MSH5: variants seen among roughly 807,000 people sequenced by gnomAD.
MSH5 encodes the protein mutS homolog 5.
A neutral mutation model predicts 107.7 loss-of-function variants in MSH5; 78 were observed. The observed-to-expected ratio is 0.72, with a 90% CI of 0.60 to 0.87. MSH5 has a LOEUF of 0.87. Among genes scored for constraint, MSH5 ranks in the 40% least tolerant of loss-of-function variants. The probability of loss-of-function intolerance (pLI) is 0.00; values close to 1 mark genes in which losing one functional copy is unlikely to be tolerated. For synonymous variants in MSH5, 326 were observed against 399.5 expected (o/e 0.82, Z 2.19); for missense variants, 889 against 1,046.6 (o/e 0.85, Z 2.08).
intron 10 of MSH5, among the ~76,000 whole-genome samples, chr6:31,748,523 A>G (rs1467442709): frequency 6.6e-6 from 1 of 150,996 alleles, no homozygotes; most frequent in Non-Finnish European, 1.5e-5. Context: ...TAATTTTTGT[A>G]TTTTCAGTAG....
At position 31,758,021 on chromosome 6, in the gene MSH5, T is replaced by C. The variant is rs1352748293; in HGVS notation, c.1015-144T>C. On this transcript the variant is annotated intron_variant, in intron 12 of 24. Coordinates refer to ENST00000375750, the MANE Select transcript of MSH5 (RefSeq NM_172166.4). This position sits in a 1 kb window ranked among gnomAD's most constrained non-coding sequence, Gnocchi z 5.1. ...GTTTCAGTGTTTGGTACAGTGCCTC[T>C]CACTGTTTCTTTTTGCCTTTGAGAT... 4.2e-6 allele frequency: 4 copies of C among 958,112 alleles called. No homozygotes were observed. The African/African-American group carries it at 6.5e-5, about 16-fold the overall frequency. The allele number at this position is 958,112 out of a possible 1,614,324, so 59.4% of individuals were successfully genotyped here. A position where few individuals can be genotyped will look rare whatever the true frequency, so the allele number is the denominator to read the frequency against.
chr6:31,744,357 TA>T (rs2151338056), intron 7 of MSH5, 58 bp downstream of exon 7: 1 of 1,608,368 alleles, frequency 6.2e-7, no homozygotes, highest in South Asian at 1.1e-5. Context: ...GCCTGAAAAG[TA>T]AAGTGGGGGT....
chr6:31,741,045 TG>T, intron 2 of MSH5, 117 bp from the exon 3 acceptor site: 1 of 1,294,040 alleles, frequency 7.7e-7, no homozygotes. Flanking sequence ...ATTCACTAAA[TG>T]GGGGTGATGA....
intron 8 of MSH5, among the ~76,000 whole-genome samples, chr6:31,744,795 AAAGT>A (rs1468708470): frequency 1.3e-5 from 2 of 152,148 alleles, no homozygotes; most frequent in Non-Finnish European, 2.9e-5. Flanking sequence ...GAGGCAAAGA[AAAGT>A]AAGGGACAAA....
At position 31,762,560 on chromosome 6, in the gene MSH5, C is replaced by T. The variant is rs767877161; in HGVS notation, c.*29C>T. ...TCCTTCCAGTGTCCTCCCCAGCCTC[C>T]TGAGACTCCGGTGGGCTGCCATGCC... On this transcript the variant is annotated 3_prime_UTR_variant, in exon 25 of 25. Coordinates refer to ENST00000375750, the MANE Select transcript of MSH5 (RefSeq NM_172166.4). 4 of 1,457,974 alleles carry T rather than the reference C, an allele frequency of 2.7e-6. No homozygotes were observed. The African/African-American group carries it at 4.2e-5, about 15-fold the overall frequency. The allele number at this position is 1,457,974 out of a possible 1,614,324, so 90.3% of individuals were successfully genotyped here.
In MSH5 at chr6:31,762,516, C is replaced by A; in HGVS notation, c.2490C>A (p.Ala830=). The A allele has an allele frequency of 6.2e-7, 1 of 1,613,066 alleles. No individual in the cohort carries two copies. The highest frequency in any genetic ancestry group is 8.5e-7 in the Non-Finnish European group (1 of 1,179,056). The change falls in exon 25 of 25, where the codon GCC becomes GCA. Residue 830 remains alanine (A), a synonymous_variant. Coordinates refer to ENST00000375750, the MANE Select transcript of MSH5 (RefSeq NM_172166.4). ...TGAGCCAGGAAGTGCTGCCTGCTGC[C>A]ACCAGCATCCTCTGAGAGTCCTTCC... is the stretch of plus-strand genomic sequence containing the variant. ...VFMSQEVLPA[A]TSIL
At chr6:31,748,916 CTTTT>C (rs9279407) in intron 10 of MSH5, among the ~76,000 whole-genome samples, 10 of 109,476 alleles carry the variant, frequency 9.1e-5, no homozygotes, top group Admixed American at 9.5e-5. Context: ...TCTGGAAAGT[CTTTT>C]TTTTTTTTTT....
chr6:31,754,637 G>A (rs1234323468), intron 12 of MSH5, among the ~76,000 whole-genome samples: 1 of 152,084 alleles, frequency 6.6e-6, no homozygotes, highest in Non-Finnish European at 1.5e-5. Context: ...TTAGCCTCCA[G>A]AGTAACTGGG....
At position 31,740,691 on chromosome 6, in the gene MSH5, T is replaced by G; in HGVS notation, c.147+78T>G. 7.1e-7 allele frequency: 1 copy of G among 1,401,326 alleles called. No homozygotes were observed. The highest frequency in any genetic ancestry group is 9.4e-7 in the Non-Finnish European group (1 of 1,069,358). 86.8% of individuals were successfully genotyped at this position (1,401,326 alleles called of 1,614,324 possible). On this transcript the variant is annotated intron_variant, in intron 2 of 24. Transcript: ENST00000375750. This position sits in a 1 kb window ranked among gnomAD's most constrained non-coding sequence, Gnocchi z 4.4. ...AAAGAGGGTTGGGAGCCGGGCGCGG[T>G]GGCTCACACCTGTAATCTTAGCACT...
intron 9 of MSH5, 53 bp downstream of exon 9, chr6:31,745,372 A>T (rs375092546): frequency 1.6e-6 from 2 of 1,281,940 alleles, no homozygotes; most frequent in African/African-American, 2.9e-5. Context: ...CAGAAAAGCA[A>T]TTGGCTCCAA....
chr6:31,749,095 T>C (rs188236859), intron 10 of MSH5, among the ~76,000 whole-genome samples: 43 of 151,994 alleles, frequency 2.8e-4, no homozygotes, highest in African/African-American at 9.9e-4. Flanking sequence ...TTTGTATTTT[T>C]AGTAGAGATG....
At chr6:31,749,513 G>T (rs1021675287) in intron 10 of MSH5, among the ~76,000 whole-genome samples, 1 of 151,690 alleles carries the variant, frequency 6.6e-6, no homozygotes, top group African/African-American at 2.4e-5. Context: ...CTGCACTCCA[G>T]CCTGGGCAAC....
chr6:31,740,540 C>G lies in MSH5; in HGVS notation c.74C>G (p.Pro25Arg). 2.0e-6 allele frequency: 3 copies of G among 1,532,688 alleles called. No individual in the cohort carries two copies. Among genetic ancestry groups the G allele is most frequent in the Non-Finnish European group, 2.6e-6 (3 of 1,140,440 alleles). 94.9% of individuals were successfully genotyped at this position (1,532,688 alleles called of 1,614,324 possible). The change falls in exon 2 of 25, where the codon CCC becomes CGC. Residue 25 changes from proline to arginine, a missense_variant. Pro to Arg is a moderately radical substitution (Grantham distance 103). Transcript: ENST00000375750. This position sits in a 1 kb window ranked among gnomAD's most constrained non-coding sequence, Gnocchi z 4.4. ...PRPGAASSGFPSPAPVPGPRE... is the reference protein window; with the variant it reads ...PRPGAASSGFRSPAPVPGPRE... Reference sequence around the variant, plus strand: ...CCTGGGGCGGCCTCCTCCGGCTTCCCCAGCCCGGCCCCAGTGCCGGGCCCC... The same window carrying G: ...CCTGGGGCGGCCTCCTCCGGCTTCCGCAGCCCGGCCCCAGTGCCGGGCCCC...
Position 31,762,646 on chromosome 6 carries a change from CAT to C in MSH5, c.*118_*119del. 1.5e-6 allele frequency: 1 copy of C among 650,112 alleles called. No homozygotes were observed. Among genetic ancestry groups the C allele is most frequent in the Non-Finnish European group, 2.7e-6 (1 of 371,202 alleles). 40.3% of individuals were successfully genotyped at this position (650,112 alleles called of 1,614,324 possible). On this transcript the variant is annotated 3_prime_UTR_variant, in exon 25 of 25. Coordinates refer to ENST00000375750, the MANE Select transcript of MSH5 (RefSeq NM_172166.4). ...TTTAGTTTCTCTAGAAATTTTGTTT[CAT>C]ATTAGGAATAAAGTTTATTTTGAAG...
chr6:31,747,335 A>G, intron 9 of MSH5, 52 bp from the exon 10 acceptor site: 1 of 1,595,764 alleles, frequency 6.3e-7, no homozygotes, highest in Non-Finnish European at 8.6e-7. Context: ...AACACATTCC[A>G]TTCCCTGTCC....
rs990966651 is a variant in MSH5 at position 31,740,559 on chromosome 6, G to C, written c.93G>C (p.Pro31=). ...GCTTCCCCAGCCCGGCCCCAGTGCCGGGCCCCAGGGAGGCCGAGGAGGAGG... is the reference window on the plus strand; with the variant it reads ...GCTTCCCCAGCCCGGCCCCAGTGCCCGGCCCCAGGGAGGCCGAGGAGGAGG... ...SSGFPSPAPV[P]GPREAEEEEV... is the part of the protein sequence containing the mutation. Residue 31 remains proline (P), a synonymous_variant, in exon 2 of 25, where the codon CCG becomes CCC. Coordinates refer to ENST00000375750, the MANE Select transcript of MSH5 (RefSeq NM_172166.4). The surrounding 1 kb of genome is among the most constrained non-coding windows in gnomAD (Gnocchi z 4.4). The C allele has an allele frequency of 6.6e-6, 10 of 1,520,332 alleles. No individual in the cohort carries two copies. Among genetic ancestry groups the C allele is most frequent in the Non-Finnish European group, 7.0e-6 (8 of 1,136,950 alleles). 94.2% of individuals were successfully genotyped at this position (1,520,332 alleles called of 1,614,324 possible).
chr6:31,760,738 G>A lies in MSH5; in HGVS notation c.1861G>A (p.Glu621Lys). 1 of 1,613,062 alleles carries A rather than the reference G, an allele frequency of 6.2e-7. No individual in the cohort carries two copies. The highest frequency in any genetic ancestry group is 1.3e-5 in the African/African-American group (1 of 75,062). ...CCTGGTAGGCAGCTTTGTGCCAGCA[G>A]AGGAGGCCGAAATTGGGGCAGTAGA... The part of the protein sequence containing the change: ...MALVGSFVPA[E>K]EAEIGAVDAI... The change falls in exon 20 of 25, where the codon GAG (glutamate) becomes AAG (lysine). Residue 621 changes from glutamate to lysine, a missense_variant. This residue lies in a region of MSH5 where 362 missense variants were observed against 456.2 expected (regional missense o/e 0.79). Coordinates refer to ENST00000375750, the MANE Select transcript of MSH5 (RefSeq NM_172166.4). The surrounding 1 kb of genome is among the most constrained non-coding windows in gnomAD (Gnocchi z 5.6).
intron 5 of MSH5, 149 bp downstream of exon 5, chr6:31,743,319 A>T: frequency 6.4e-6 from 5 of 782,948 alleles, no homozygotes; most frequent in Non-Finnish European, 1.1e-5. Flanking sequence ...TCCCCCCAAG[A>T]TCTCTCCTGC....
At chr6:31,741,315 T>C in intron 3 of MSH5, 29 bp downstream of exon 3, 1 of 1,603,412 alleles carries the variant, frequency 6.2e-7, no homozygotes, top group South Asian at 1.1e-5. Context: ...ATTCCTCTGC[T>C]CTCTGGGATT....
Sources: gnomAD v4.1 joint callset for allele counts (sites outside exome capture counted in the v4.1 genomes callset) on GRCh38, gnomAD v4.1.1 for gene constraint, gnomAD v4.1.1 regional missense constraint, Gnocchi (gnomAD v3.1) non-coding constraint, MANE v1.5 for transcripts, NCBI Gene and HGNC (gene_info 2026-07-23, HGNC 2026-07-21) for gene names.